Variants in ABHD4 observed in about 807,000 individuals in gnomAD.
The protein encoded by ABHD4 is abhydrolase domain containing 4, N-acyl phospholipase B.
ABHD4 carries 35 observed loss-of-function variants against 42.3 expected under a neutral mutation model. The observed-to-expected ratio is 0.83, with a 90% CI of 0.63 to 1.10. ABHD4 has a LOEUF of 1.10. Ranked by LOEUF, ABHD4 falls within the 50% of genes least tolerant of loss-of-function variation. The probability of loss-of-function intolerance (pLI) is 0.00; values close to 1 mark genes in which losing one functional copy is unlikely to be tolerated. For synonymous variants in ABHD4, 169 were observed against 170.6 expected (o/e 0.99, Z 0.07); for missense variants, 389 against 454.8 (o/e 0.86, Z 1.32).
chr14:22,608,751 G>T (rs1443659766), intron 5 of ABHD4, among the ~76,000 whole-genome samples: 3 of 149,260 alleles, frequency 2.0e-5, no homozygotes, highest in Non-Finnish European at 4.4e-5. Context: ...GCCCAGGCTG[G>T]AGTGCAATGG....
intron 4 of ABHD4, chr14:22,605,763 C>G (rs1015952830): frequency 7.9e-7 from 1 of 1,268,382 alleles, no homozygotes; most frequent in Non-Finnish European, 1.0e-6. Flanking sequence ...CCCTTCTTAC[C>G]TCCCTCTTGC....
At position 22,606,450 on chromosome 14, in the gene ABHD4, G is replaced by A. The variant is rs766894580; in HGVS notation, c.669G>A (p.Pro223=). 84 of 1,613,020 alleles carry A rather than the reference G, an allele frequency of 5.2e-5. No individual in the cohort carries two copies. The highest frequency in any genetic ancestry group is 1.6e-4 in the Middle Eastern group (1 of 6,084). The change falls in exon 5 of 7, where the codon CCG becomes CCA. Residue 223 remains proline, a synonymous_variant. Coordinates refer to ENST00000428304, the MANE Select transcript of ABHD4 (RefSeq NM_022060.3). Reference sequence around the variant, plus strand: ...CTGGTCTGGTGCAGCGATTCCGGCCGGACTTCAAACGCAAGTTTGCAGACT... The same window carrying A: ...CTGGTCTGGTGCAGCGATTCCGGCCAGACTTCAAACGCAAGTTTGCAGACT... ...WGPGLVQRFR[P]DFKRKFADFF... is the part of the protein sequence containing the mutation.
chr14:22,605,429 G>C (rs1442712741), intron 4 of ABHD4, among the ~76,000 whole-genome samples: 2 of 152,154 alleles, frequency 1.3e-5, no homozygotes, highest in Non-Finnish European at 2.9e-5. Flanking sequence ...AAGAAAAACA[G>C]AATGATTCCA....
intron 4 of ABHD4, among the ~76,000 whole-genome samples, chr14:22,604,445 T>C (rs2037325087): frequency 6.6e-6 from 1 of 152,106 alleles, no homozygotes; most frequent in Non-Finnish European, 1.5e-5. Context: ...AGAGACGGGG[T>C]TTCATCGTGT....
At chr14:22,602,666 A>G (rs1247856227) in intron 2 of ABHD4, among the ~76,000 whole-genome samples, 1 of 152,200 alleles carries the variant, frequency 6.6e-6, no homozygotes, top group Non-Finnish European at 1.5e-5. Context: ...TGGTGGTGTC[A>G]CTACCACCTG....
rs2037287891 is a variant in ABHD4 at position 22,601,711 on chromosome 14, CT to C, written c.70del (p.Ser24ProfsTer5). 1.9e-6 allele frequency: 3 copies of C among 1,614,190 alleles called. No homozygotes were observed. Among genetic ancestry groups the C allele is most frequent in the Non-Finnish European group, 1.7e-6 (2 of 1,180,014 alleles). On this transcript the variant is annotated frameshift_variant, in exon 2 of 7. Transcript: ENST00000428304. LOFTEE classifies it high-confidence loss of function. ...LSSWLPTWRP[T>X]SMSQLKNVEA... ...AGCTGGCTGCCCACGTGGCGCCCCA[CT>C]TCCATGTCTCAGCTGAAGAATGTGG...
At chr14:22,599,347 A>G (rs1431313577) in intron 1 of ABHD4, among the ~76,000 whole-genome samples, 18 of 152,212 alleles carry the variant, frequency 1.2e-4, no homozygotes. Flanking sequence ...GCTGGTGTCC[A>G]TAGAAATTAG....
chr14:22,603,775 T>A lies in ABHD4; in HGVS notation c.485+13T>A, dbSNP rs760699710. On this transcript the variant is annotated intron_variant, in intron 3 of 6. Coordinates refer to ENST00000428304, the MANE Select transcript of ABHD4 (RefSeq NM_022060.3). ...AGTACCCTGATAGGTAATAAGGAGA[T>A]GGCTCCATCCCTCGTGACCTAATTC... 3.8e-4 allele frequency: 596 copies of A among 1,566,306 alleles called. No individual in the cohort carries two copies. Among genetic ancestry groups the A allele is most frequent in the Non-Finnish European group, 4.7e-4 (544 of 1,153,850 alleles).
Position 22,609,705 on chromosome 14 carries a change from G to A in ABHD4, c.753-19G>A. The A allele has an allele frequency of 6.2e-7, 1 of 1,610,418 alleles. No individual in the cohort carries two copies. ...GACATATTCTGCTGTGAAGTTTATT[G>A]CTGTTTTGCTTTTGACAGTGGTGAG... is the stretch of plus-strand genomic sequence containing the variant. On this transcript the variant is annotated intron_variant, in intron 5 of 6. Transcript: ENST00000428304.
chr14:22,604,564 A>ATT, intron 4 of ABHD4, among the ~76,000 whole-genome samples: 1 of 151,552 alleles, frequency 6.6e-6, no homozygotes, highest in East Asian at 2.0e-4. Flanking sequence ...TGTTTTTTGT[A>ATT]TTTTTTCTCT....
intron 1 of ABHD4, among the ~76,000 whole-genome samples, chr14:22,599,416 T>A (rs1247040138): frequency 6.6e-6 from 1 of 152,198 alleles, no homozygotes; most frequent in East Asian, 1.9e-4. Flanking sequence ...ACAGAACCCC[T>A]TGTGCTTCAC....
chr14:22,605,206 A>G (rs1480621057), intron 4 of ABHD4, among the ~76,000 whole-genome samples: 1 of 152,174 alleles, frequency 6.6e-6, no homozygotes, highest in Non-Finnish European at 1.5e-5. Context: ...CAATATCTCC[A>G]GCCTTCTGAC....
intron 1 of ABHD4, chr14:22,598,552 C>A: frequency 7.5e-7 from 1 of 1,341,906 alleles, no homozygotes; most frequent in Non-Finnish European, 1.0e-6. Context: ...GCCCGCAGCC[C>A]GGGGATCCTG....
chr14:22,599,627 A>G (rs1183111383), intron 1 of ABHD4, among the ~76,000 whole-genome samples: 1 of 152,030 alleles, frequency 6.6e-6, no homozygotes, highest in East Asian at 1.9e-4. Context: ...CCCACCAAGG[A>G]CTCTCTGCTG....
At chr14:22,599,995 G>A (rs1051942236) in intron 1 of ABHD4, 9 of 307,764 alleles carry the variant, frequency 2.9e-5, no homozygotes, top group African/African-American at 1.5e-4. Context: ...CACTGGGAAT[G>A]TAGACAACTT....
chr14:22,598,782 AG>A, intron 1 of ABHD4: 1 of 307,468 alleles, frequency 3.3e-6, no homozygotes, highest in Non-Finnish European at 6.4e-6. Context: ...GAGAGACTGG[AG>A]AGGTCTCCAT....
rs761944060 is a variant in ABHD4 at position 22,603,627 on chromosome 14, C to T, written c.350C>T (p.Pro117Leu). The change falls in exon 3 of 7, where the codon CCG becomes CTG. Residue 117 changes from proline to leucine, a missense_variant. Physicochemically the swap from Pro to Leu is moderately conservative, Grantham distance 98. This residue lies in a region of ABHD4 where 38 missense variants were observed against 72.1 expected (regional missense o/e 0.53). Transcript: ENST00000428304. ...RSSRPAFPRD[P>L]EGAEDEFVTS... ...TCAAGGCCAGCATTCCCAAGGGACC[C>T]GGAGGGGGCTGAGGATGAGTTTGTG... 9 of 1,613,998 alleles carry T rather than the reference C, an allele frequency of 5.6e-6. No homozygotes were observed. The highest frequency in any genetic ancestry group is 4.5e-5 in the East Asian group (2 of 44,884).
At chr14:22,606,022 A>G (rs1356596955) in intron 4 of ABHD4, among the ~76,000 whole-genome samples, 1 of 152,198 alleles carries the variant, frequency 6.6e-6, no homozygotes, top group East Asian at 1.9e-4. Flanking sequence ...ATCCGCTACC[A>G]TCAGAAGATT....
At chr14:22,610,795 C>A in intron 6 of ABHD4, 64 bp from the exon 7 acceptor site, 2 of 1,321,576 alleles carry the variant, frequency 1.5e-6, no homozygotes, top group Non-Finnish European at 1.1e-6. Flanking sequence ...AAAGAAATAG[C>A]GTGAAGGCTT....
Sources: allele counts gnomAD v4.1 joint callset (sites outside exome capture counted in the v4.1 genomes callset), GRCh38; gene constraint gnomAD v4.1.1; regional missense constraint gnomAD v4.1.1; transcripts MANE v1.5; gene names NCBI Gene and HGNC (gene_info 2026-07-23, HGNC 2026-07-21).